The following COLEC11 variants were observed in gnomAD, a reference collection of about 807,000 sequenced individuals.
The protein encoded by COLEC11 is collectin-11.
Under a neutral mutation model 27.3 loss-of-function variants are expected in COLEC11, and 20 were observed. That is an observed-to-expected ratio of 0.73 (90% confidence interval 0.51 to 1.06). The LOEUF (loss-of-function observed/expected upper bound fraction) is 1.06, where lower values mean the gene tolerates loss of function less well. Ranked by LOEUF, COLEC11 falls within the 50% of genes least tolerant of loss-of-function variation. The pLI, the probability that COLEC11 is intolerant of heterozygous loss-of-function variation, is 0.00. For missense variants in COLEC11, 310 were observed against 383.0 expected, an observed-to-expected ratio of 0.81 and a Z score of 1.59; for synonymous variants, 163 against 154.7, an observed-to-expected ratio of 1.05 and a Z score of -0.40.
At chr2:3,620,017 T>C (rs1313209175) in intron 3 of COLEC11, among the ~76,000 whole-genome samples, 1 of 152,258 alleles carries the variant, frequency 6.6e-6, no homozygotes, top group Non-Finnish European at 1.5e-5. Flanking sequence ...TATTGGCCTG[T>C]AATCTTTTTT....
chr2:3,631,146 A>G (rs1454822097), intron 3 of COLEC11, among the ~76,000 whole-genome samples: 2 of 151,958 alleles, frequency 1.3e-5, no homozygotes, highest in Admixed American at 6.6e-5. Context: ...CAGGAGAATC[A>G]CTTGAACCTG....
chr2:3,631,361 CTT>C (rs1558511662), intron 3 of COLEC11, among the ~76,000 whole-genome samples: 3 of 152,238 alleles, frequency 2.0e-5, no homozygotes, highest in Admixed American at 6.5e-5. Context: ...AGGCATTTTG[CTT>C]GTTCTCTTTG....
At chr2:3,626,143 C>A in intron 3 of COLEC11, 1 of 1,456,654 alleles carries the variant, frequency 6.9e-7, no homozygotes, top group East Asian at 2.3e-5. Flanking sequence ...CCCTGAGATG[C>A]AGAGAATAGG....
intron 1 of COLEC11, 62 bp from the exon 2 acceptor site, chr2:3,604,253 C>T (rs1430662296): frequency 3.1e-6 from 5 of 1,591,122 alleles, no homozygotes; most frequent in East Asian, 4.5e-5. Flanking sequence ...GAGGCCTGCT[C>T]ACTGTCACTG....
At position 3,644,301 on chromosome 2, in the gene COLEC11, C is replaced by T. The variant is rs1449596096; in HGVS notation, c.*183C>T. ...TGCTTAAGAGGAAAATGAAAGTGTT[C>T]CTGGGGTGCTGTCTCTGAAGAAGCA... On this transcript the variant is annotated 3_prime_UTR_variant, in exon 7 of 7. Transcript: ENST00000349077. The T allele has an allele frequency of 7.8e-6, 6 of 766,906 alleles. No individual in the cohort carries two copies. The highest frequency in any genetic ancestry group is 1.7e-5 in the African/African-American group (1 of 58,332). 47.5% of individuals were successfully genotyped at this position (766,906 alleles called of 1,614,324 possible). A position where few individuals can be genotyped will look rare whatever the true frequency, so the allele number is the denominator to read the frequency against.
chr2:3,615,556 A>G (rs1255128874), intron 3 of COLEC11, among the ~76,000 whole-genome samples: 1 of 152,262 alleles, frequency 6.6e-6, no homozygotes, highest in Admixed American at 6.5e-5. Context: ...CAGACACAGC[A>G]AGAATCTGAT....
At chr2:3,643,671 T>A in intron 6 of COLEC11, 56 bp from the exon 7 acceptor site, 1 of 1,612,400 alleles carries the variant, frequency 6.2e-7, no homozygotes, top group Non-Finnish European at 8.5e-7. Flanking sequence ...TGGCTGTGCC[T>A]TAAGTTTGTT....
intron 1 of COLEC11, among the ~76,000 whole-genome samples, chr2:3,603,228 T>G (rs1043278933): frequency 6.6e-6 from 1 of 152,220 alleles, no homozygotes; most frequent in African/African-American, 2.4e-5. Flanking sequence ...CTCTCTCCCC[T>G]CCTGTCCCTT....
rs370358651 is a variant in COLEC11, at chr2:3,643,530, A to T, written c.415A>T (p.Ile139Phe). 2.5e-6 allele frequency: 4 copies of T among 1,613,582 alleles called. No homozygotes were observed. In the African/African-American group the frequency reaches 4.0e-5, roughly 16 times the overall value. The change falls in exon 6 of 7, where the codon ATC becomes TTC. Residue 139 changes from isoleucine to phenylalanine, a missense_variant. By Grantham distance (21) the Ile-to-Phe change is conservative. Transcript: ENST00000349077. ...TCAGCTGACCAGCGAGCTCAAGTTC[A>T]TCAAGAATGGTATGTGGCTCCCGGC... is the stretch of plus-strand genomic sequence containing the variant. The part of the protein sequence containing the change: ...VSQLTSELKF[I>F]KNAVAGVRET...
At chr2:3,610,080 G>A (rs1355943342) in intron 2 of COLEC11, among the ~76,000 whole-genome samples, 6 of 152,232 alleles carry the variant, frequency 3.9e-5, no homozygotes, top group Admixed American at 3.9e-4. Context: ...GAGGAGACGA[G>A]GGTGAGTAGT....
At chr2:3,609,806 A>ACCATGCTCCCAT (rs1663048467) in intron 2 of COLEC11, among the ~76,000 whole-genome samples, 1 of 152,166 alleles carries the variant, frequency 6.6e-6, no homozygotes, top group South Asian at 2.1e-4. Flanking sequence ...CTGGGATTAC[A>ACCATGCTCCCAT]GGTGTGAGCC....
chr2:3,609,351 GATT>G (rs1663002552), intron 2 of COLEC11, among the ~76,000 whole-genome samples: 1 of 5,032 alleles, frequency 2.0e-4, no homozygotes, highest in East Asian at 8.5e-3. Context: ...ATTTTTCTTT[GATT>G]TTTTTTTTTT....
intron 1 of COLEC11, 194 bp from the exon 2 acceptor site, chr2:3,604,121 G>C: frequency 1.5e-6 from 1 of 646,368 alleles, no homozygotes; most frequent in Non-Finnish European, 2.7e-6. Context: ...TGCTGACCCT[G>C]GGGCTGCTGT....
At chr2:3,633,798 G>A (rs554596870) in intron 3 of COLEC11, among the ~76,000 whole-genome samples, 3 of 151,916 alleles carry the variant, frequency 2.0e-5, no homozygotes, top group African/African-American at 7.2e-5. Flanking sequence ...GCGTGTTCCC[G>A]ACCTTCCTCC....
intron 2 of COLEC11, among the ~76,000 whole-genome samples, chr2:3,608,943 C>G (rs907003745): frequency 6.6e-6 from 1 of 152,236 alleles, no homozygotes; most frequent in African/African-American, 2.4e-5. Flanking sequence ...CCCATCAGAG[C>G]TGAGGAGGAC....
At position 3,643,940 on chromosome 2, in the gene COLEC11, C is replaced by G; in HGVS notation, c.638C>G (p.Ala213Gly). Residue 213 changes from alanine (A) to glycine (G), a missense_variant, in exon 7 of 7, where the codon GCC (alanine) becomes GGC (glycine). Ala to Gly is a moderately conservative substitution (Grantham distance 60). Coordinates refer to ENST00000349077, the MANE Select transcript of COLEC11 (RefSeq NM_024027.5). ...IGINDLEKEG[A>G]FVYSDHSPMR... ...ATCAACGACCTGGAGAAGGAGGGCG[C>G]CTTCGTGTACTCTGACCACTCCCCC... is the stretch of plus-strand genomic sequence containing the variant. The G allele has an allele frequency of 6.2e-7, 1 of 1,614,166 alleles. No individual in the cohort carries two copies. The highest frequency in any genetic ancestry group is 8.5e-7 in the Non-Finnish European group (1 of 1,180,054).
chr2:3,631,938 T>G, intron 3 of COLEC11, among the ~76,000 whole-genome samples: 1 of 152,136 alleles, frequency 6.6e-6, no homozygotes, highest in African/African-American at 2.4e-5. Flanking sequence ...GAGGGTGGCT[T>G]TGGCTGTACC....
intron 2 of COLEC11, among the ~76,000 whole-genome samples, chr2:3,606,510 G>A (rs1185884701): frequency 6.6e-6 from 1 of 152,204 alleles, no homozygotes; most frequent in Non-Finnish European, 1.5e-5. Context: ...CCGTGAGGTT[G>A]GGGAGGCGAT....
chr2:3,638,261 C>T (rs964208229), intron 4 of COLEC11, among the ~76,000 whole-genome samples: 3 of 151,938 alleles, frequency 2.0e-5, no homozygotes, highest in South Asian at 2.1e-4. Flanking sequence ...CCCCGCCCCC[C>T]GCCATCTGGT....
Sources: allele counts gnomAD v4.1 joint callset (sites outside exome capture counted in the v4.1 genomes callset), GRCh38; gene constraint gnomAD v4.1.1; transcripts MANE v1.5; gene names NCBI Gene and HGNC (gene_info 2026-07-23, HGNC 2026-07-21).